ZSWIM6: variants seen among roughly 807,000 people sequenced by gnomAD.
ZSWIM6 encodes the protein zinc finger SWIM domain-containing protein 6.
Under a neutral mutation model 113.2 loss-of-function variants are expected in ZSWIM6, and 9 were observed. The observed-to-expected ratio is 0.08, with a 90% CI of 0.05 to 0.14. The LOEUF (loss-of-function observed/expected upper bound fraction) is 0.14, where lower values mean the gene tolerates loss of function less well. Among genes scored for constraint, ZSWIM6 ranks in the 10% least tolerant of loss-of-function variants. The pLI, the probability that ZSWIM6 is intolerant of heterozygous loss-of-function variation, is 1.00. For missense variants in ZSWIM6, 1,162 were observed against 1,552.2 expected, an observed-to-expected ratio of 0.75 and a Z score of 4.22; for synonymous variants, 611 against 606.5, an observed-to-expected ratio of 1.01 and a Z score of -0.11.
chr5:61,477,654 A>G (rs1747740118), intron 2 of ZSWIM6, among the ~76,000 whole-genome samples: 1 of 152,222 alleles, frequency 6.6e-6, no homozygotes, highest in Non-Finnish European at 1.5e-5. Flanking sequence ...GCCGCCTTGT[A>G]TATCAGTCTA....
At chr5:61,445,861 C>T (rs1217807618) in intron 1 of ZSWIM6, among the ~76,000 whole-genome samples, 1 of 152,056 alleles carries the variant, frequency 6.6e-6, no homozygotes, top group Non-Finnish European at 1.5e-5. Context: ...TATCCAGAGC[C>T]TAGAAACACA....
intron 1 of ZSWIM6, among the ~76,000 whole-genome samples, chr5:61,335,979 A>G (rs1490942543): frequency 6.6e-6 from 1 of 152,172 alleles, no homozygotes; most frequent in Admixed American, 6.5e-5. Context: ...AGTAATTTAT[A>G]TTGCCGGGCA....
At chr5:61,487,386 T>C (rs1361936284) in intron 2 of ZSWIM6, among the ~76,000 whole-genome samples, 1 of 152,050 alleles carries the variant, frequency 6.6e-6, no homozygotes, top group East Asian at 1.9e-4. Flanking sequence ...GGCCTCTTTT[T>C]TTGGTTCCAT....
chr5:61,393,544 G>T (rs1745774573), intron 1 of ZSWIM6, among the ~76,000 whole-genome samples: 1 of 152,002 alleles, frequency 6.6e-6, no homozygotes, highest in Non-Finnish European at 1.5e-5. Flanking sequence ...TTTATAGTCA[G>T]CGCTCCCAGA....
rs145954539 is a variant in ZSWIM6 at position 61,373,440 on chromosome 5, C to T, written c.676+40492C>T. ...TCGCCCAGGCTGGAGTGCAGTGGCGCGATCTCGGCTCACTGCAAGCTCCGC... is the reference window on the plus strand; with the variant it reads ...TCGCCCAGGCTGGAGTGCAGTGGCGTGATCTCGGCTCACTGCAAGCTCCGC... On this transcript the variant is annotated intron_variant, in intron 1 of 13. Transcript: ENST00000252744. 4.6e-3 allele frequency among the ~76,000 whole-genome samples: 673 copies of T among 144,790 alleles called. 7 individuals are homozygous for T. The highest frequency in any genetic ancestry group is 0.017 in the African/African-American group (636 of 38,096). The allele number at this position is 144,790 out of a possible 152,430, so 95.0% of individuals were successfully genotyped here. A position where few individuals can be genotyped will look rare whatever the true frequency, so the allele number is the denominator to read the frequency against.
In ZSWIM6 at chr5:61,368,760, A is replaced by G. The variant is rs375066085; in HGVS notation, c.676+35812A>G. On this transcript the variant is annotated intron_variant, in intron 1 of 13. Coordinates refer to ENST00000252744, the MANE Select transcript of ZSWIM6 (RefSeq NM_020928.2). The stretch of plus-strand genomic sequence containing the variant: ...ATTTTATTTTGATCACATTGCTTGC[A>G]CAAGAAGCAAGTCAGTCAGCTCTCT... 5.9e-5 allele frequency among the ~76,000 whole-genome samples: 9 copies of G among 152,342 alleles called. No individual in the cohort carries two copies. The South Asian group carries it at 1.9e-3, about 32-fold the overall frequency.
rs1194329126 is a variant in ZSWIM6 at position 61,522,270 on chromosome 5, A to C, written c.1513+828A>C. The stretch of plus-strand genomic sequence containing the variant: ...AATTCTTAAGTAATTATTTCTTGCC[A>C]ATAGAAATTTTATTAACTAATTCAT... On this transcript the variant is annotated intron_variant, in intron 5 of 13. Coordinates refer to ENST00000252744, the MANE Select transcript of ZSWIM6 (RefSeq NM_020928.2). Among the ~76,000 whole-genome samples, 3 of 152,098 alleles carry C rather than the reference A, an allele frequency of 2.0e-5. No individual in the cohort carries two copies. In the East Asian group the frequency reaches 5.8e-4, roughly 29 times the overall value.
intron 2 of ZSWIM6, among the ~76,000 whole-genome samples, chr5:61,482,795 G>A (rs16891694): frequency 0.057 from 8,610 of 152,030 alleles, 793 homozygotes; most frequent in African/African-American, 0.19. Context: ...ATGGAGGCCC[G>A]AAGAGCTTAA....
chr5:61,363,442 C>T (rs925136035), intron 1 of ZSWIM6, among the ~76,000 whole-genome samples: 1 of 152,206 alleles, frequency 6.6e-6, no homozygotes, highest in African/African-American at 2.4e-5. Context: ...TTGCACACTT[C>T]TGCTGAGTTC....
intron 1 of ZSWIM6, among the ~76,000 whole-genome samples, chr5:61,433,598 A>G (rs1256018799): frequency 6.6e-6 from 1 of 151,080 alleles, no homozygotes; most frequent in African/African-American, 2.4e-5. Context: ...TCAGCCTCCC[A>G]GGTAGCTGGG....
Position 61,339,804 on chromosome 5 carries a change from C to T in ZSWIM6, c.676+6856C>T, listed in dbSNP as rs545862106. On this transcript the variant is annotated intron_variant, in intron 1 of 13. Coordinates refer to ENST00000252744, the MANE Select transcript of ZSWIM6 (RefSeq NM_020928.2). ...TATAATTTTTAAAATAGTGCTTTGTCACAACAAAAAGGCTAATTTAGTTTT... is the reference window on the plus strand; with the variant it reads ...TATAATTTTTAAAATAGTGCTTTGTTACAACAAAAAGGCTAATTTAGTTTT... Among the ~76,000 whole-genome samples, 98 of 152,230 alleles carry T rather than the reference C, an allele frequency of 6.4e-4. 1 individual carries two copies. The highest frequency in any genetic ancestry group is 1.2e-3 in the Non-Finnish European group (80 of 68,008).
chr5:61,512,950 T>A (rs1023800021), intron 4 of ZSWIM6, among the ~76,000 whole-genome samples: 24 of 151,966 alleles, frequency 1.6e-4, no homozygotes, highest in South Asian at 2.1e-4. Context: ...ATACAACTGA[T>A]GAACCTACAC....
intron 1 of ZSWIM6, among the ~76,000 whole-genome samples, chr5:61,363,656 C>T (rs567019399): frequency 2.4e-4 from 36 of 152,152 alleles, no homozygotes; most frequent in Non-Finnish European, 4.0e-4. Flanking sequence ...CAAGGATGGA[C>T]GTAAAAATAC....
At chr5:61,467,185 A>C (rs1747453456) in intron 1 of ZSWIM6, among the ~76,000 whole-genome samples, 1 of 152,234 alleles carries the variant, frequency 6.6e-6, no homozygotes, top group African/African-American at 2.4e-5. Flanking sequence ...GCTTTTGCTT[A>C]TGAGAATTAT....
Position 61,375,446 on chromosome 5 carries a change from C to G in ZSWIM6, c.676+42498C>G, listed in dbSNP as rs1745353645. 1.6e-5 allele frequency: 25 copies of G among 1,531,616 alleles called. 1 individual carries two copies. In the South Asian group the frequency reaches 2.7e-4, roughly 17 times the overall value. 94.9% of individuals were successfully genotyped at this position (1,531,616 alleles called of 1,614,324 possible). ...TATTCATCTTCTTCTTCATCAAGCT[C>G]TGATTCTTCCAGCAGTTCTTCTGAT... On this transcript the variant is annotated intron_variant, in intron 1 of 13. Coordinates refer to ENST00000252744, the MANE Select transcript of ZSWIM6 (RefSeq NM_020928.2).
At chr5:61,407,669 CA>C (rs1330764325) in intron 1 of ZSWIM6, among the ~76,000 whole-genome samples, 1 of 152,032 alleles carries the variant, frequency 6.6e-6, no homozygotes, top group Non-Finnish European at 1.5e-5. Flanking sequence ...GAAAAATGGG[CA>C]AAGGTGATGA....
intron 1 of ZSWIM6, among the ~76,000 whole-genome samples, chr5:61,398,336 T>A (rs1447217730): frequency 6.6e-6 from 1 of 152,206 alleles, no homozygotes; most frequent in Non-Finnish European, 1.5e-5. Flanking sequence ...ACACTCCTTA[T>A]GAGAATCTAA....
intron 1 of ZSWIM6, among the ~76,000 whole-genome samples, chr5:61,386,645 A>T (rs1745597172): frequency 6.6e-6 from 1 of 152,164 alleles, no homozygotes; most frequent in South Asian, 2.1e-4. Context: ...ACTTTGGTAG[A>T]ATTAGGGCTT....
intron 1 of ZSWIM6, among the ~76,000 whole-genome samples, chr5:61,418,188 C>T (rs866700214): frequency 1.7e-4 from 26 of 152,224 alleles, no homozygotes; most frequent in Admixed American, 3.3e-4. Flanking sequence ...ACTCATAAAA[C>T]CTATCCAGGG....
Sources: gnomAD v4.1 joint callset for allele counts (sites outside exome capture counted in the v4.1 genomes callset) on GRCh38, gnomAD v4.1.1 for gene constraint, MANE v1.5 for transcripts, NCBI Gene and HGNC (gene_info 2026-07-23, HGNC 2026-07-21) for gene names.